The following DDAH1 variants were observed in gnomAD, a reference collection of about 807,000 sequenced individuals.
The protein encoded by DDAH1 is N(G),N(G)-dimethylarginine dimethylaminohydrolase 1.
In DDAH1, 19 loss-of-function variants were observed where a neutral mutation model predicts 28.8. The observed-to-expected ratio is 0.66, with a 90% CI of 0.46 to 0.97. The LOEUF is 0.97. Ranked by LOEUF, DDAH1 falls within the 50% of genes least tolerant of loss-of-function variation. The pLI, the probability that DDAH1 is intolerant of heterozygous loss-of-function variation, is 0.00. For missense variants in DDAH1, 326 were observed against 375.9 expected, an observed-to-expected ratio of 0.87 and a Z score of 1.10; for synonymous variants, 153 against 154.4, an observed-to-expected ratio of 0.99 and a Z score of 0.07.
At chr1:85,379,737 C>T (rs1650876986) in intron 1 of DDAH1, 4 of 981,478 alleles carry the variant, frequency 4.1e-6, no homozygotes, top group Non-Finnish European at 4.8e-6. Flanking sequence ...CTGCTGGCAT[C>T]CTTACTTTCC....
intron 3 of DDAH1, among the ~76,000 whole-genome samples, chr1:85,350,924 T>C (rs1202843707): frequency 6.6e-6 from 1 of 151,772 alleles, no homozygotes; most frequent in African/African-American, 2.4e-5. Flanking sequence ...ATCAATAGAG[T>C]AAAGGGACCT....
At chr1:85,366,709 A>G (rs1023606063) in intron 1 of DDAH1, among the ~76,000 whole-genome samples, 1 of 152,208 alleles carries the variant, frequency 6.6e-6, no homozygotes, top group African/African-American at 2.4e-5. Context: ...GGCTGGATAT[A>G]TGAATGCAGA....
chr1:85,550,700 C>T (rs1337714636), intron 1 of DDAH1, among the ~76,000 whole-genome samples: 1 of 151,940 alleles, frequency 6.6e-6, no homozygotes, highest in Non-Finnish European at 1.5e-5. Context: ...TCTTTACAGA[C>T]CATTGTTTAA....
rs562964373 is a variant in DDAH1, at chr1:85,381,379, G to A, written c.304-22532C>T. On this transcript the variant is annotated intron_variant, in intron 1 of 5. Transcript: ENST00000284031. ...TTATTTCAATAGTTTTGGGGGAGCA[G>A]GTGATTTTTGGTTATATGGATAAGT... Among the ~76,000 whole-genome samples the A allele has an allele frequency of 2.0e-5, 3 of 150,794 alleles. No homozygotes were observed. The South Asian group carries it at 6.3e-4, about 32-fold the overall frequency.
chr1:85,519,265 T>A (rs1657586166), intron 1 of DDAH1, among the ~76,000 whole-genome samples: 1 of 151,998 alleles, frequency 6.6e-6, no homozygotes, highest in Non-Finnish European at 1.5e-5. Context: ...GCGTAATTTT[T>A]TTTTGTATTT....
intron 1 of DDAH1, among the ~76,000 whole-genome samples, chr1:85,502,799 A>C (rs1164058072): frequency 6.6e-6 from 1 of 152,190 alleles, no homozygotes; most frequent in Non-Finnish European, 1.5e-5. Flanking sequence ...TGGGTTCTCC[A>C]GAGATAGCCC....
chr1:85,428,653 CT>C (rs2100629815), intron 1 of DDAH1, among the ~76,000 whole-genome samples: 2 of 152,250 alleles, frequency 1.3e-5, no homozygotes, highest in South Asian at 4.1e-4. Context: ...TGGAAATGGT[CT>C]TGTTCCTCAT....
At chr1:85,558,116 C>T (rs1311940722) in intron 1 of DDAH1, among the ~76,000 whole-genome samples, 6 of 151,182 alleles carry the variant, frequency 4.0e-5, no homozygotes, top group Non-Finnish European at 8.8e-5. Flanking sequence ...CCTGTAATCC[C>T]AGCACTTTAG....
intron 1 of DDAH1, among the ~76,000 whole-genome samples, chr1:85,359,915 A>G (rs548535179): frequency 6.6e-6 from 1 of 152,372 alleles, no homozygotes; most frequent in South Asian, 2.1e-4. Context: ...TCACAATTTA[A>G]TTCAAGTCCT....
chr1:85,527,417 T>C (rs1334083542), intron 1 of DDAH1, among the ~76,000 whole-genome samples: 2 of 152,222 alleles, frequency 1.3e-5, no homozygotes. Flanking sequence ...GTCTGGAATG[T>C]GTTTAGCCTT....
In DDAH1 at chr1:85,383,674, C is replaced by T. The variant is rs568094187; in HGVS notation, c.304-24827G>A. On this transcript the variant is annotated intron_variant, in intron 1 of 5. Transcript: ENST00000284031. ...GAGTCAATCAACACAGCAAACTTCA[C>T]TGTTGTCTTATTTTTTAAAATTGCC... is the stretch of plus-strand genomic sequence containing the variant. Among the ~76,000 whole-genome samples the T allele has an allele frequency of 1.4e-4, 21 of 152,264 alleles. 1 individual carries two copies. The South Asian group carries it at 4.1e-3, about 30-fold the overall frequency.
intron 1 of DDAH1, among the ~76,000 whole-genome samples, chr1:85,361,807 A>G (rs1358306369): frequency 6.6e-6 from 1 of 152,182 alleles, no homozygotes; most frequent in African/African-American, 2.4e-5. Flanking sequence ...GCTACTTATT[A>G]GCCAGTGTCC....
At chr1:85,557,967 T>C (rs541018140) in intron 1 of DDAH1, among the ~76,000 whole-genome samples, 1 of 152,110 alleles carries the variant, frequency 6.6e-6, no homozygotes, top group Non-Finnish European at 1.5e-5. Context: ...AGCCACCCAA[T>C]CTGTGAGACT....
At chr1:85,570,103 T>G (rs1034426203) in intron 1 of DDAH1, among the ~76,000 whole-genome samples, 1 of 151,972 alleles carries the variant, frequency 6.6e-6, no homozygotes, top group Non-Finnish European at 1.5e-5. Context: ...CAATAATTCT[T>G]GAGATATTAT....
chr1:85,576,340 G>T (rs1405938852), intron 1 of DDAH1, among the ~76,000 whole-genome samples: 4 of 152,198 alleles, frequency 2.6e-5, no homozygotes, highest in Non-Finnish European at 5.9e-5. Context: ...GTCCCGAGAG[G>T]ATGAGCAGCG....
At chr1:85,525,323 C>A (rs1451444514) in intron 1 of DDAH1, among the ~76,000 whole-genome samples, 1 of 152,030 alleles carries the variant, frequency 6.6e-6, no homozygotes, top group Admixed American at 6.6e-5. Flanking sequence ...TCTACATATT[C>A]TTCTCTCCCT....
intron 1 of DDAH1, among the ~76,000 whole-genome samples, chr1:85,414,643 TG>T (rs1227161383): frequency 3.3e-5 from 5 of 152,166 alleles, no homozygotes; most frequent in African/African-American, 1.2e-4. Flanking sequence ...TTCTAAGAAA[TG>T]GAGGAGAGAG....
At chr1:85,416,960 T>C (rs1234823399) in intron 1 of DDAH1, among the ~76,000 whole-genome samples, 1 of 152,134 alleles carries the variant, frequency 6.6e-6, no homozygotes, top group Non-Finnish European at 1.5e-5. Context: ...GAGCCACTAC[T>C]GCACCTGGAT....
intron 1 of DDAH1, among the ~76,000 whole-genome samples, chr1:85,448,438 A>G (rs566525947): frequency 1.5e-4 from 23 of 152,330 alleles, no homozygotes; most frequent in African/African-American, 5.3e-4. Context: ...TTAGAGTTCT[A>G]TGAAGTATTC....
Sources: gnomAD v4.1 joint callset for allele counts (sites outside exome capture counted in the v4.1 genomes callset) on GRCh38, gnomAD v4.1.1 for gene constraint, MANE v1.5 for transcripts, NCBI Gene and HGNC (gene_info 2026-07-23, HGNC 2026-07-21) for gene names.